Variants in LGR5 observed in about 807,000 individuals in gnomAD.
LGR5 encodes leucine-rich repeat-containing G protein-coupled receptor 5.
LGR5 carries 54 observed loss-of-function variants against 76.7 expected under a neutral mutation model. The ratio of observed to expected loss-of-function variants is 0.70; its 90% CI spans 0.57 to 0.88. The LOEUF (loss-of-function observed/expected upper bound fraction) is 0.88, where lower values mean the gene tolerates loss of function less well. LGR5 is among the 40% of genes least tolerant of loss of function. LGR5 has a pLI of 0.00. For missense variants in LGR5, 1,078 were observed against 1,073.3 expected (o/e 1.00, Z -0.06); for synonymous variants, 406 against 421.9 (o/e 0.96, Z 0.46).
intron 13 of LGR5, among the ~76,000 whole-genome samples, chr12:71,574,258 A>G (rs1878748778): frequency 8.1e-6 from 1 of 122,752 alleles, no homozygotes; most frequent in Admixed American, 1.2e-4. Context: ...AGCCGAGATC[A>G]CGCCATTGCA....
rs754322655 is a variant in LGR5, at chr12:71,572,926, G to C, written c.1208+5G>C. On this transcript the variant is annotated splice_donor_5th_base_variant and intron_variant, in intron 13 of 17. Coordinates refer to ENST00000266674, the MANE Select transcript of LGR5 (RefSeq NM_003667.4). ...GTTGCTTAGCCTCCGATCGCTGTGA[G>C]TATCACCTCCCAGTGCGTTCCCCAG... 6 of 1,609,576 alleles carry C rather than the reference G, an allele frequency of 3.7e-6. No homozygotes were observed. In the Admixed American group the frequency reaches 1.0e-4, roughly 27 times the overall value.
intron 1 of LGR5, among the ~76,000 whole-genome samples, chr12:71,468,650 G>T (rs1179943649): frequency 6.7e-6 from 1 of 149,734 alleles, no homozygotes; most frequent in Non-Finnish European, 1.5e-5. Context: ...TTTTGAAAAG[G>T]ATTTAAAGGA....
intron 1 of LGR5, among the ~76,000 whole-genome samples, chr12:71,498,444 A>C (rs1349116512): frequency 6.6e-6 from 1 of 152,200 alleles, no homozygotes; most frequent in African/African-American, 2.4e-5. Context: ...TCTGGGGGTC[A>C]GCTCCCTCAG....
chr12:71,443,145 G>GC (rs1362269849), intron 1 of LGR5, among the ~76,000 whole-genome samples: 2 of 152,154 alleles, frequency 1.3e-5, no homozygotes, highest in African/African-American at 4.8e-5. Context: ...ATTGATGATG[G>GC]CAAGTTCCAG....
chr12:71,558,267 A>C (rs1220528577), intron 6 of LGR5, among the ~76,000 whole-genome samples: 1 of 152,228 alleles, frequency 6.6e-6, no homozygotes, highest in Non-Finnish European at 1.5e-5. Context: ...AATGAAAAAC[A>C]AGATGGGCTT....
At chr12:71,525,488 T>G (rs1232450877) in intron 3 of LGR5, among the ~76,000 whole-genome samples, 3 of 151,734 alleles carry the variant, frequency 2.0e-5, no homozygotes, top group Non-Finnish European at 4.4e-5. Flanking sequence ...TGTGGTAAAA[T>G]TCAGAGTTGT....
chr12:71,566,075 C>CAT (rs1878326055), intron 8 of LGR5, among the ~76,000 whole-genome samples: 1 of 152,046 alleles, frequency 6.6e-6, no homozygotes, highest in Non-Finnish European at 1.5e-5. Flanking sequence ...ACCTTTTTGC[C>CAT]ACTCAATGGA....
chr12:71,492,652 A>T (rs57027533), intron 1 of LGR5, among the ~76,000 whole-genome samples: 3,480 of 152,284 alleles, frequency 0.023, 136 homozygotes, highest in African/African-American at 0.079. Flanking sequence ...AGTCAAACCG[A>T]TGGGAATTTT....
chr12:71,466,672 GTT>G (rs369854715), intron 1 of LGR5, among the ~76,000 whole-genome samples: 4 of 144,538 alleles, frequency 2.8e-5, no homozygotes, highest in East Asian at 4.0e-4. Flanking sequence ...TGTCTTCCAT[GTT>G]TTTTTTTTTA....
In LGR5 at chr12:71,580,284, A is replaced by G. The variant is rs1456234295; in HGVS notation, c.1413A>G (p.Ile471Met). The G allele has an allele frequency of 1.2e-6, 2 of 1,610,226 alleles. No homozygotes were observed. The highest frequency in any genetic ancestry group is 2.2e-5 in the South Asian group (2 of 90,148). Residue 471 changes from isoleucine (I) to methionine (M), a missense_variant, in exon 16 of 18, where the codon ATA becomes ATG. By Grantham distance (10) the Ile-to-Met change is conservative. Coordinates refer to ENST00000266674, the MANE Select transcript of LGR5 (RefSeq NM_003667.4). The stretch of plus-strand genomic sequence containing the variant: ...GGGTTTTGTTCATTTAAAGGGTTAT[A>G]GAAATGCCTTATGCTTACCAGTGCT... ...SSENFPELKV[I>M]EMPYAYQCCA...
intron 1 of LGR5, among the ~76,000 whole-genome samples, chr12:71,474,612 A>G (rs1392203321): frequency 2.0e-5 from 3 of 152,234 alleles, no homozygotes; most frequent in Non-Finnish European, 4.4e-5. Flanking sequence ...CTTTTAAAAT[A>G]CTACCATTAG....
intron 1 of LGR5, among the ~76,000 whole-genome samples, chr12:71,481,819 G>T (rs1477283607): frequency 2.0e-5 from 3 of 151,456 alleles, no homozygotes; most frequent in Non-Finnish European, 2.9e-5. Flanking sequence ...ATTTTTTTTT[G>T]AAATGTTGCC....
At chr12:71,580,185 CA>C in intron 15 of LGR5, 92 bp from the exon 16 acceptor site, 3 of 1,221,416 alleles carry the variant, frequency 2.5e-6, no homozygotes, top group Non-Finnish European at 3.4e-6. Flanking sequence ...GGCTAAAATC[CA>C]AAGGTAGAAT....
At chr12:71,545,557 G>T (rs936962279) in intron 4 of LGR5, among the ~76,000 whole-genome samples, 1 of 151,482 alleles carries the variant, frequency 6.6e-6, no homozygotes, top group Admixed American at 6.6e-5. Flanking sequence ...CCTATAAACT[G>T]TATTATGCAG....
chr12:71,532,765 C>A (rs1876385992), intron 3 of LGR5, among the ~76,000 whole-genome samples: 1 of 151,814 alleles, frequency 6.6e-6, no homozygotes, highest in Non-Finnish European at 1.5e-5. Flanking sequence ...TCTGCAAACC[C>A]AGTGCAGCTC....
At chr12:71,457,884 A>T (rs143172433) in intron 1 of LGR5, among the ~76,000 whole-genome samples, 118 of 152,260 alleles carry the variant, frequency 7.7e-4, no homozygotes, top group African/African-American at 2.7e-3. Flanking sequence ...GGATCCTACA[A>T]TCCTGGACAT....
At chr12:71,552,827 A>G (rs985705348) in intron 4 of LGR5, among the ~76,000 whole-genome samples, 1 of 152,096 alleles carries the variant, frequency 6.6e-6, no homozygotes, top group Non-Finnish European at 1.5e-5. Flanking sequence ...AACATTACCT[A>G]CAAGCCTGGA....
intron 6 of LGR5, among the ~76,000 whole-genome samples, chr12:71,557,161 C>T (rs778629128): frequency 6.6e-6 from 1 of 152,178 alleles, no homozygotes; most frequent in Non-Finnish European, 1.5e-5. Context: ...TGACTCATGC[C>T]TGTAATCCTA....
chr12:71,564,945 G>A (rs115583697), intron 8 of LGR5, among the ~76,000 whole-genome samples: 3,907 of 150,180 alleles, frequency 0.026, 190 homozygotes, highest in African/African-American at 0.091. Context: ...ATATACATAC[G>A]TATGTGTATA....
Sources: allele counts gnomAD v4.1 joint callset (sites outside exome capture counted in the v4.1 genomes callset), GRCh38; gene constraint gnomAD v4.1.1; transcripts MANE v1.5; gene names NCBI Gene and HGNC (gene_info 2026-07-23, HGNC 2026-07-21).